CLMN: variants seen among roughly 807,000 people sequenced by gnomAD.
CLMN encodes the protein calmin, also known as calmin (calponin-like, transmembrane).
A neutral mutation model predicts 92.7 loss-of-function variants in CLMN; 57 were observed. The observed-to-expected ratio is 0.61, with a 90% CI of 0.50 to 0.77. The LOEUF (loss-of-function observed/expected upper bound fraction) is 0.77. Among genes scored for constraint, CLMN ranks in the 30% least tolerant of loss-of-function variants. The probability of loss-of-function intolerance (pLI) is 0.00; values close to 1 mark genes in which losing one functional copy is unlikely to be tolerated. For synonymous variants in CLMN, 466 were observed against 470.6 expected (o/e 0.99, Z 0.13); for missense variants, 1,158 against 1,237.5 (o/e 0.94, Z 0.96).
chr14:95,247,791 A>T (rs1244437018), intron 1 of CLMN, among the ~76,000 whole-genome samples: 1 of 152,112 alleles, frequency 6.6e-6, no homozygotes, highest in Non-Finnish European at 1.5e-5. Flanking sequence ...TGGTCCTTCG[A>T]ATCAAAGGGA....
chr14:95,278,509 C>A (rs944522440), intron 1 of CLMN, among the ~76,000 whole-genome samples: 1 of 152,046 alleles, frequency 6.6e-6, no homozygotes, highest in Non-Finnish European at 1.5e-5. Flanking sequence ...AAGGTGCCAC[C>A]GATCCCGTTT....
intron 9 of CLMN, among the ~76,000 whole-genome samples, chr14:95,202,064 C>G (rs144176436): frequency 6.6e-6 from 1 of 152,246 alleles, no homozygotes; most frequent in African/African-American, 2.4e-5. Context: ...GTCTTTATAG[C>G]AGAATGATTT....
chr14:95,211,023 C>T, intron 6 of CLMN, 144 bp from the exon 7 acceptor site: 1 of 701,954 alleles, frequency 1.4e-6, no homozygotes, highest in Non-Finnish European at 2.2e-6. Context: ...CATCCCTGAG[C>T]ATGGGAGAGC....
At chr14:95,309,396 A>G (rs1396605564) in intron 1 of CLMN, among the ~76,000 whole-genome samples, 4 of 152,194 alleles carry the variant, frequency 2.6e-5, no homozygotes, top group African/African-American at 4.8e-5. Flanking sequence ...AAAGTACACA[A>G]GGATTAGAAC....
chr14:95,244,243 C>T (rs918267031), intron 1 of CLMN, among the ~76,000 whole-genome samples: 15 of 152,338 alleles, frequency 9.8e-5, no homozygotes, highest in Admixed American at 5.2e-4. Context: ...TCATCCAACA[C>T]TGTCATCAAG....
At chr14:95,283,976 C>T (rs940500350) in intron 1 of CLMN, among the ~76,000 whole-genome samples, 1 of 152,208 alleles carries the variant, frequency 6.6e-6, no homozygotes, top group Admixed American at 6.5e-5. Flanking sequence ...ACGTCAGAGA[C>T]CTTCATGGCA....
chr14:95,293,057 T>C (rs1346713709), intron 1 of CLMN, among the ~76,000 whole-genome samples: 1 of 152,048 alleles, frequency 6.6e-6, no homozygotes, highest in East Asian at 1.9e-4. Context: ...AATAAAAAAA[T>C]TAAAATGACA....
intron 1 of CLMN, among the ~76,000 whole-genome samples, chr14:95,247,566 C>A (rs1171745071): frequency 6.6e-6 from 1 of 152,178 alleles, no homozygotes; most frequent in Non-Finnish European, 1.5e-5. Flanking sequence ...TCTGACCCAG[C>A]CAACCCAGGA....
chr14:95,306,051 G>A (rs932109301), intron 1 of CLMN, among the ~76,000 whole-genome samples: 2 of 152,152 alleles, frequency 1.3e-5, no homozygotes, highest in African/African-American at 2.4e-5. Flanking sequence ...TGTATGCAAC[G>A]AGTGAAGCCA....
chr14:95,193,969 T>A lies in CLMN; in HGVS notation c.2770-50A>T, dbSNP rs374181295. Reference sequence around the variant, plus strand: ...GCCCCCGCAACCCAATTAGTAAAGATGAAATCTCTGAAACAGAAGATAAAA... The same window carrying A: ...GCCCCCGCAACCCAATTAGTAAAGAAGAAATCTCTGAAACAGAAGATAAAA... On this transcript the variant is annotated intron_variant, in intron 11 of 12. Transcript: ENST00000298912. The A allele has an allele frequency of 8.8e-6, 14 of 1,599,138 alleles. 1 individual carries two copies. Among genetic ancestry groups the A allele is most frequent in the African/African-American group, 6.8e-5 (5 of 74,052 alleles).
chr14:95,286,511 G>A (rs887812027), intron 1 of CLMN, among the ~76,000 whole-genome samples: 4 of 152,136 alleles, frequency 2.6e-5, no homozygotes, highest in African/African-American at 9.7e-5. Context: ...TAATGTGTTG[G>A]GTCTTCTTTG....
At chr14:95,236,527 C>T (rs1026837910) in intron 1 of CLMN, among the ~76,000 whole-genome samples, 3 of 152,192 alleles carry the variant, frequency 2.0e-5, no homozygotes, top group African/African-American at 7.2e-5. Flanking sequence ...TGGCACCCAG[C>T]GGGCAGAGGC....
At chr14:95,201,655 G>A (rs761899976) in intron 9 of CLMN, among the ~76,000 whole-genome samples, 4 of 149,888 alleles carry the variant, frequency 2.7e-5, no homozygotes, top group Non-Finnish European at 5.9e-5. Flanking sequence ...TGTCATGGTA[G>A]TTTGCTGCAC....
At chr14:95,313,275 TA>T (rs553958835) in intron 1 of CLMN, among the ~76,000 whole-genome samples, 1 of 152,248 alleles carries the variant, frequency 6.6e-6, no homozygotes, top group Non-Finnish European at 1.5e-5. Context: ...AGCATTTTAC[TA>T]ACACTTTTCT....
At chr14:95,261,798 TG>T (rs1412170047) in intron 1 of CLMN, among the ~76,000 whole-genome samples, 1 of 152,184 alleles carries the variant, frequency 6.6e-6, no homozygotes, top group Non-Finnish European at 1.5e-5. Context: ...CCAGATGACA[TG>T]GGGATCCCCA....
intron 1 of CLMN, among the ~76,000 whole-genome samples, chr14:95,297,811 GCACACACACACACACACACACA>G (rs3219870): frequency 6.9e-6 from 1 of 145,022 alleles, no homozygotes; most frequent in Middle Eastern, 3.3e-3. Flanking sequence ...AATATGGCAG[GCACACACACACACACACACACA>G]CACACACACA....
rs555012734 is a variant in CLMN, at chr14:95,318,950, T to G, written c.82+761A>C. ...AATTCTTTTGAAAGAGAAACACACT[T>G]CATGTGTGGCACCGCCATACCCAGC... On this transcript the variant is annotated intron_variant, in intron 1 of 12. Transcript: ENST00000298912. 9.8e-5 allele frequency among the ~76,000 whole-genome samples: 15 copies of G among 152,308 alleles called. No homozygotes were observed. In the East Asian group the frequency reaches 2.9e-3, roughly 29 times the overall value.
chr14:95,241,779 A>T (rs1177020793), intron 1 of CLMN, among the ~76,000 whole-genome samples: 2 of 152,194 alleles, frequency 1.3e-5, no homozygotes, highest in East Asian at 3.8e-4. Flanking sequence ...GAAAACAAAC[A>T]AAAGTTATCT....
At chr14:95,311,225 G>A (rs1165232647) in intron 1 of CLMN, among the ~76,000 whole-genome samples, 6 of 151,980 alleles carry the variant, frequency 3.9e-5, no homozygotes, top group South Asian at 2.1e-4. Context: ...CCCACCCGCC[G>A]CCCCAGTTCT....
Sources: allele counts gnomAD v4.1 joint callset (sites outside exome capture counted in the v4.1 genomes callset), GRCh38; gene constraint gnomAD v4.1.1; transcripts MANE v1.5; gene names NCBI Gene and HGNC (gene_info 2026-07-23, HGNC 2026-07-21).